The following KIF6 variants were observed in gnomAD, a reference collection of about 807,000 sequenced individuals.
The protein encoded by KIF6 is kinesin family member 6.
A neutral mutation model predicts 112.7 loss-of-function variants in KIF6; 106 were observed. The ratio of observed to expected loss-of-function variants is 0.94; its 90% CI spans 0.80 to 1.11. KIF6 has a LOEUF of 1.11. Ranked by LOEUF, KIF6 falls within the 50% of genes least tolerant of loss-of-function variation. The pLI, the probability that KIF6 is intolerant of heterozygous loss-of-function variation, is 0.00. For synonymous variants in KIF6, 339 were observed against 339.9 expected (o/e 1.00, Z 0.03); for missense variants, 929 against 964.0 (o/e 0.96, Z 0.48).
chr6:39,520,735 A>T (rs1562283201), intron 13 of KIF6, among the ~76,000 whole-genome samples: 1 of 152,244 alleles, frequency 6.6e-6, no homozygotes, highest in Non-Finnish European at 1.5e-5. Flanking sequence ...TGAGGTTCCA[A>T]TCAAAAGACA....
chr6:39,568,252 G>C (rs1010141240), intron 10 of KIF6, among the ~76,000 whole-genome samples: 1 of 152,094 alleles, frequency 6.6e-6, no homozygotes, highest in East Asian at 1.9e-4. Context: ...GACGGGGGAA[G>C]GTATATTCTA....
chr6:39,680,058 G>C (rs1451437797), intron 3 of KIF6, among the ~76,000 whole-genome samples: 2 of 151,980 alleles, frequency 1.3e-5, no homozygotes, highest in East Asian at 3.9e-4. Context: ...GCCCAGGCTG[G>C]AGTGCAGTGG....
intron 13 of KIF6, among the ~76,000 whole-genome samples, chr6:39,516,330 TA>T (rs1487245244): frequency 6.7e-6 from 1 of 150,152 alleles, no homozygotes; most frequent in East Asian, 1.9e-4. Context: ...CTATACATTA[TA>T]TATGTTAGAT....
chr6:39,452,966 T>C (rs993741629), intron 13 of KIF6, among the ~76,000 whole-genome samples: 14 of 152,212 alleles, frequency 9.2e-5, no homozygotes, highest in African/African-American at 2.9e-4. Context: ...GGAAGAAACA[T>C]CTTTCTTTAG....
intron 13 of KIF6, among the ~76,000 whole-genome samples, chr6:39,471,976 A>G (rs1458081651): frequency 6.6e-6 from 1 of 152,178 alleles, no homozygotes; most frequent in Non-Finnish European, 1.5e-5. Context: ...TGGCACTTAG[A>G]ATCTATGTCT....
chr6:39,585,668 A>G (rs1781588419), intron 8 of KIF6, among the ~76,000 whole-genome samples: 1 of 152,234 alleles, frequency 6.6e-6, no homozygotes, highest in African/African-American at 2.4e-5. Context: ...CACACATGAA[A>G]GATCACAAAA....
At chr6:39,580,848 A>G (rs1049101803) in intron 9 of KIF6, among the ~76,000 whole-genome samples, 2 of 152,184 alleles carry the variant, frequency 1.3e-5, no homozygotes, top group African/African-American at 2.4e-5. Context: ...TCTTCCCTGA[A>G]TGAATTCCCC....
chr6:39,367,892 G>A (rs1015850924), intron 16 of KIF6, among the ~76,000 whole-genome samples: 4 of 152,202 alleles, frequency 2.6e-5, no homozygotes, highest in Admixed American at 6.5e-5. Flanking sequence ...GCTTGTAAAA[G>A]CACACAGACA....
chr6:39,585,524 A>G (rs1781578457), intron 8 of KIF6, among the ~76,000 whole-genome samples: 1 of 152,212 alleles, frequency 6.6e-6, no homozygotes, highest in Admixed American at 6.5e-5. Context: ...TTGGCTTAAT[A>G]AAATTACCAA....
At chr6:39,538,624 G>C (rs2150559407) in intron 13 of KIF6, among the ~76,000 whole-genome samples, 1 of 150,510 alleles carries the variant, frequency 6.6e-6, no homozygotes, top group East Asian at 2.0e-4. Context: ...TGGTGGGACT[G>C]TAAACTAGTT....
chr6:39,592,089 G>A (rs1355845993), intron 7 of KIF6, among the ~76,000 whole-genome samples: 1 of 152,110 alleles, frequency 6.6e-6, no homozygotes, highest in Non-Finnish European at 1.5e-5. Context: ...CCCAGCCTGG[G>A]CGACAGAGTG....
At chr6:39,351,041 TCCC>T (rs1377095083) in intron 19 of KIF6, among the ~76,000 whole-genome samples, 1 of 152,018 alleles carries the variant, frequency 6.6e-6, no homozygotes, top group Non-Finnish European at 1.5e-5. Context: ...AGAGCCATCT[TCCC>T]CAAGACCCTT....
chr6:39,462,471 A>G (rs1773537144), intron 13 of KIF6, among the ~76,000 whole-genome samples: 2 of 152,250 alleles, frequency 1.3e-5, no homozygotes, highest in Non-Finnish European at 2.9e-5. Flanking sequence ...ACTTCATTAT[A>G]AGAAATCAGT....
intron 3 of KIF6, among the ~76,000 whole-genome samples, chr6:39,662,856 T>C (rs930424127): frequency 5.3e-5 from 8 of 151,758 alleles, no homozygotes; most frequent in African/African-American, 1.9e-4. Context: ...CCACATGGAG[T>C]TGTTTATTCA....
chr6:39,392,087 G>T lies in KIF6; in HGVS notation c.1811-6415C>A, dbSNP rs55676370. On this transcript the variant is annotated intron_variant, in intron 15 of 22. Coordinates refer to ENST00000287152, the MANE Select transcript of KIF6 (RefSeq NM_145027.6). ...TGATGTATGTGCTTTTATTGTAGGT[G>T]TTCTTACAATTTGTATTAAAGTTTT... Among the ~76,000 whole-genome samples the T allele has an allele frequency of 6.8e-3, 1,031 of 152,186 alleles. 8 individuals carry two copies. Among genetic ancestry groups the T allele is most frequent in the African/African-American group, 0.024 (977 of 41,528 alleles).
At chr6:39,475,051 A>C (rs937386671) in intron 13 of KIF6, among the ~76,000 whole-genome samples, 7 of 152,224 alleles carry the variant, frequency 4.6e-5, no homozygotes, top group Non-Finnish European at 1.0e-4. Flanking sequence ...CTAATTTTGC[A>C]ATGAGTTAAG....
At chr6:39,522,363 C>T (rs1777446807) in intron 13 of KIF6, among the ~76,000 whole-genome samples, 1 of 152,178 alleles carries the variant, frequency 6.6e-6, no homozygotes, top group African/African-American at 2.4e-5. Flanking sequence ...AAAAATCATC[C>T]AGTACCCCCA....
At chr6:39,495,195 G>A (rs187281872) in intron 13 of KIF6, among the ~76,000 whole-genome samples, 1 of 152,310 alleles carries the variant, frequency 6.6e-6, no homozygotes, top group East Asian at 1.9e-4. Flanking sequence ...AGGCACTGGT[G>A]GAGGGGTAAC....
intron 13 of KIF6, among the ~76,000 whole-genome samples, chr6:39,461,520 AT>A (rs1581909282): frequency 5.9e-5 from 9 of 152,314 alleles, no homozygotes; most frequent in Middle Eastern, 3.4e-3. Context: ...TACATTAAAA[AT>A]GTAAGAAAAG....
Sources: allele counts gnomAD v4.1 joint callset (sites outside exome capture counted in the v4.1 genomes callset), GRCh38; gene constraint gnomAD v4.1.1; transcripts MANE v1.5; gene names NCBI Gene and HGNC (gene_info 2026-07-23, HGNC 2026-07-21).